IL17RD: variants seen among roughly 807,000 people sequenced by gnomAD.
IL17RD encodes the protein interleukin-17 receptor D.
IL17RD carries 52 observed loss-of-function variants against 80.5 expected under a neutral mutation model. The ratio of observed to expected loss-of-function variants is 0.65; its 90% CI spans 0.52 to 0.81. The LOEUF (loss-of-function observed/expected upper bound fraction) is 0.81. Among genes scored for constraint, IL17RD ranks in the 40% least tolerant of loss-of-function variants. The probability of loss-of-function intolerance (pLI) is 0.00; values close to 1 mark genes in which losing one functional copy is unlikely to be tolerated. For synonymous variants in IL17RD, 416 were observed against 391.8 expected, an observed-to-expected ratio of 1.06 and a Z score of -0.73; for missense variants, 1,024 against 955.1, an observed-to-expected ratio of 1.07 and a Z score of -0.95.
At chr3:57,115,972 T>C (rs1707206198) in intron 2 of IL17RD, among the ~76,000 whole-genome samples, 1 of 152,088 alleles carries the variant, frequency 6.6e-6, no homozygotes, top group African/African-American at 2.4e-5. Flanking sequence ...TTGCAGACAT[T>C]GAAAAACCAC....
At chr3:57,115,134 T>G (rs1707188221) in intron 2 of IL17RD, among the ~76,000 whole-genome samples, 1 of 152,180 alleles carries the variant, frequency 6.6e-6, no homozygotes, top group African/African-American at 2.4e-5. Context: ...TAGACCTAAA[T>G]CAGTAATTAT....
chr3:57,164,667 G>A (rs902536445), intron 1 of IL17RD, among the ~76,000 whole-genome samples: 1 of 152,142 alleles, frequency 6.6e-6, no homozygotes, highest in African/African-American at 2.4e-5. Flanking sequence ...GAAGAGCGGG[G>A]CGCATCCCTC....
intron 3 of IL17RD, among the ~76,000 whole-genome samples, chr3:57,112,445 G>C (rs1295436815): frequency 6.6e-6 from 1 of 152,152 alleles, no homozygotes; most frequent in Non-Finnish European, 1.5e-5. Flanking sequence ...GAACCTAACA[G>C]AAACTCTCCA....
upstream of IL17RD, among the ~76,000 whole-genome samples, chr3:57,166,915 C>T (rs1390991016): frequency 6.6e-6 from 1 of 152,216 alleles, no homozygotes; most frequent in Non-Finnish European, 1.5e-5. Context: ...TGCACTTTCT[C>T]TTGTGGCTTG....
At chr3:57,129,148 A>G (rs1707555595) in intron 1 of IL17RD, among the ~76,000 whole-genome samples, 1 of 152,124 alleles carries the variant, frequency 6.6e-6, no homozygotes, top group Non-Finnish European at 1.5e-5. Flanking sequence ...AAAAGCATAC[A>G]CAGACTCAGA....
At position 57,127,397 on chromosome 3, in the gene IL17RD, T is replaced by TAA. The variant is rs775653084; in HGVS notation, c.127-7085_127-7084insTT. Among the ~76,000 whole-genome samples, 377 of 96,612 alleles carry TAA rather than the reference T, an allele frequency of 3.9e-3. 72 individuals carry two copies. The highest frequency in any genetic ancestry group is 0.017 in the East Asian group (36 of 2,110). 63.4% of individuals were successfully genotyped at this position (96,612 alleles called of 152,430 possible). A position where few individuals can be genotyped will look rare whatever the true frequency, so the allele number is the denominator to read the frequency against. On this transcript the variant is annotated intron_variant, in intron 1 of 12. Coordinates refer to ENST00000296318, the MANE Select transcript of IL17RD (RefSeq NM_017563.5). ...ATATATAAATAAATAAATAAATAAA[T>TAA]ATATATATATATATATTTTTTTTTT...
intron 1 of IL17RD, among the ~76,000 whole-genome samples, chr3:57,161,953 T>C (rs2060308080): frequency 6.6e-6 from 1 of 152,176 alleles, no homozygotes; most frequent in African/African-American, 2.4e-5. Context: ...TTTTAAGTAG[T>C]TGAGGAAGTG....
chr3:57,145,538 T>G (rs1707908643), intron 1 of IL17RD, among the ~76,000 whole-genome samples: 1 of 152,172 alleles, frequency 6.6e-6, no homozygotes, highest in Non-Finnish European at 1.5e-5. Context: ...ATGCTTTTCT[T>G]GTATTAGAGA....
In IL17RD at chr3:57,094,056, T is replaced by A. The variant is rs369687164; in HGVS notation, c.*2337A>T. ...TTCCATTTCTTGTTTCCATAATATCTAAAAGCCTGTGACTTGGCAGAACGT... is the reference window on the plus strand; with the variant it reads ...TTCCATTTCTTGTTTCCATAATATCAAAAAGCCTGTGACTTGGCAGAACGT... On this transcript the variant is annotated 3_prime_UTR_variant, in exon 13 of 13. Coordinates refer to ENST00000296318, the MANE Select transcript of IL17RD (RefSeq NM_017563.5). 1 of 152,220 alleles carries A rather than the reference T, an allele frequency of 6.6e-6. No individual in the cohort carries two copies. The highest frequency in any genetic ancestry group is 2.1e-4 in the South Asian group (1 of 4,836). The allele number at this position is 152,220 out of a possible 1,614,324, so 9.4% of individuals were successfully genotyped here. A position where few individuals can be genotyped will look rare whatever the true frequency, so the allele number is the denominator to read the frequency against.
At chr3:57,126,832 CT>C (rs1010265267) in intron 1 of IL17RD, among the ~76,000 whole-genome samples, 8 of 148,794 alleles carry the variant, frequency 5.4e-5, no homozygotes, top group Admixed American at 6.8e-5. Flanking sequence ...ATTGAGAAGA[CT>C]TTTTTTTTTG....
chr3:57,109,668 A>G lies in IL17RD; in HGVS notation c.430-11T>C, dbSNP rs749655224. On this transcript the variant is annotated splice_polypyrimidine_tract_variant and intron_variant, in intron 4 of 12. Transcript: ENST00000296318. ...TTGAGATTCCATTCCCTAAAAGGGA[A>G]CAAAAACACAGTGACATCATGGAGA... 1 of 1,610,958 alleles carries G rather than the reference A, an allele frequency of 6.2e-7. No individual in the cohort carries two copies. Among genetic ancestry groups the G allele is most frequent in the Admixed American group, 1.7e-5 (1 of 59,540 alleles).
At chr3:57,101,734 A>G (rs1199680447) in intron 10 of IL17RD, among the ~76,000 whole-genome samples, 3 of 152,204 alleles carry the variant, frequency 2.0e-5, no homozygotes, top group Non-Finnish European at 4.4e-5. Flanking sequence ...AAAAGTTTTT[A>G]TCGATGTAAA....
rs938106803 is a variant in IL17RD, at chr3:57,130,495, T to C, written c.127-10182A>G. ...CCCATTCATTCTGACTAGAATGTTCTAAGCTAAAGCCAGAGTGACCCTTCT... is the reference window on the plus strand; with the variant it reads ...CCCATTCATTCTGACTAGAATGTTCCAAGCTAAAGCCAGAGTGACCCTTCT... On this transcript the variant is annotated intron_variant, in intron 1 of 12. Transcript: ENST00000296318. Among the ~76,000 whole-genome samples, 4 of 152,316 alleles carry C rather than the reference T, an allele frequency of 2.6e-5. 1 individual carries two copies. In the East Asian group the frequency reaches 5.8e-4, roughly 22 times the overall value.
chr3:57,162,531 T>C (rs1435700118), intron 1 of IL17RD, among the ~76,000 whole-genome samples: 1 of 152,182 alleles, frequency 6.6e-6, no homozygotes, highest in Non-Finnish European at 1.5e-5. Context: ...GAGCAACTTC[T>C]AGAAGACATG....
intron 1 of IL17RD, among the ~76,000 whole-genome samples, chr3:57,124,585 A>G (rs1707410399): frequency 1.3e-5 from 2 of 152,108 alleles, no homozygotes; most frequent in Admixed American, 6.5e-5. Context: ...AAAGGCAAGG[A>G]ATGAATCCTC....
intron 11 of IL17RD, among the ~76,000 whole-genome samples, chr3:57,098,876 A>G (rs553875319): frequency 6.6e-6 from 1 of 152,236 alleles, no homozygotes; most frequent in Non-Finnish European, 1.5e-5. Context: ...TCCTCAAGGA[A>G]GCAACAGGTG....
At chr3:57,107,436 A>C (rs939738469) in intron 5 of IL17RD, among the ~76,000 whole-genome samples, 1 of 152,232 alleles carries the variant, frequency 6.6e-6, no homozygotes, top group African/African-American at 2.4e-5. Flanking sequence ...CGTAGAAAAC[A>C]ACCACAATAA....
intron 8 of IL17RD, 144 bp downstream of exon 8, chr3:57,104,198 T>C (rs1298174227): frequency 1.6e-6 from 1 of 608,358 alleles, no homozygotes; most frequent in Non-Finnish European, 2.9e-6. Flanking sequence ...ATAAACTTTT[T>C]TTAAAAGCAT....
At position 57,090,078 on chromosome 3, in the gene IL17RD, T is replaced by C. The variant is rs1706519618; in HGVS notation, c.*6315A>G. ...CTACTTTCACCTAGTTACAGAGTTA[T>C]GTACAAATCAAGTCATTAACATTTT... is the stretch of plus-strand genomic sequence containing the variant. On this transcript the variant is annotated 3_prime_UTR_variant, in exon 13 of 13. Coordinates refer to ENST00000296318, the MANE Select transcript of IL17RD (RefSeq NM_017563.5). 2 of 152,656 alleles carry C rather than the reference T, an allele frequency of 1.3e-5. No homozygotes were observed. The highest frequency in any genetic ancestry group is 2.1e-4 in the South Asian group (1 of 4,830). 9.5% of individuals were successfully genotyped at this position (152,656 alleles called of 1,614,324 possible).
Sources: gnomAD v4.1 joint callset for allele counts (sites outside exome capture counted in the v4.1 genomes callset) on GRCh38, gnomAD v4.1.1 for gene constraint, MANE v1.5 for transcripts, NCBI Gene and HGNC (gene_info 2026-07-23, HGNC 2026-07-21) for gene names.